The following SUPV3L1 variants were observed in gnomAD, a reference collection of about 807,000 sequenced individuals.
SUPV3L1 encodes the protein ATP-dependent RNA helicase SUPV3L1, mitochondrial.
A neutral mutation model predicts 70.0 loss-of-function variants in SUPV3L1; 35 were observed. The ratio of observed to expected loss-of-function variants is 0.50; its 90% CI spans 0.38 to 0.66. The LOEUF is 0.66. Ranked by LOEUF, SUPV3L1 falls within the 30% of genes least tolerant of loss-of-function variation. SUPV3L1 has a pLI of 0.00. For synonymous variants in SUPV3L1, 364 were observed against 341.9 expected (o/e 1.06, Z -0.71); for missense variants, 777 against 961.5 (o/e 0.81, Z 2.54).
intron 13 of SUPV3L1, among the ~76,000 whole-genome samples, chr10:69,203,882 T>C (rs1274814001): frequency 6.6e-6 from 1 of 151,392 alleles, no homozygotes; most frequent in Non-Finnish European, 1.5e-5. Context: ...TGTGCCACCA[T>C]GCCCAGCTAA....
intron 1 of SUPV3L1, among the ~76,000 whole-genome samples, chr10:69,184,487 A>C (rs777902821): frequency 5.3e-5 from 8 of 152,198 alleles, no homozygotes; most frequent in African/African-American, 1.9e-4. Context: ...GTGAGCTGAG[A>C]TCGCGCCATT....
In SUPV3L1 at chr10:69,195,213, T is replaced by C; in HGVS notation, c.879T>C (p.Ile293=). The change falls in exon 7 of 15, where the codon ATT becomes ATC. Residue 293 remains isoleucine, a synonymous_variant. Transcript: ENST00000359655. The stretch of plus-strand genomic sequence containing the variant: ...ATGAAGTGGCTGTAATTGATGAAAT[T>C]CAAATGATTAGAGATCCAGCCAGAG... ...TPYEVAVIDE[I]QMIRDPARGW... 6.2e-7 allele frequency: 1 copy of C among 1,612,706 alleles called. No individual in the cohort carries two copies. The highest frequency in any genetic ancestry group is 8.5e-7 in the Non-Finnish European group (1 of 1,179,496).
Position 69,200,481 on chromosome 10 carries a change from G to T in SUPV3L1, c.1500G>T (p.Arg500Ser). 6.2e-7 allele frequency: 1 copy of T among 1,613,810 alleles called. No individual in the cohort carries two copies. The highest frequency in any genetic ancestry group is 8.5e-7 in the Non-Finnish European group (1 of 1,179,840). The change falls in exon 11 of 15, where the codon AGG (arginine) becomes AGT (serine). Residue 500 changes from arginine (R) to serine (S), a missense_variant. Physicochemically the swap from Arg to Ser is moderately radical, Grantham distance 110. Around this residue, in one of 2 missense-constraint regions of SUPV3L1, gnomAD observed 619 missense variants for 823.3 expected, o/e 0.75. Transcript: ENST00000359655. ...GTTTATTAAAGGAAATTTTGAAGAG[G>T]CCTGTGGATCCTATAAGGGTAAGAG... ...DLSLLKEILK[R>S]PVDPIRAAGL...
chr10:69,203,029 T>G lies in SUPV3L1; in HGVS notation c.1762T>G (p.Ser588Ala), dbSNP rs761588687. 2 of 1,612,856 alleles carry G rather than the reference T, an allele frequency of 1.2e-6. No individual in the cohort carries two copies. The highest frequency in any genetic ancestry group is 1.1e-5 in the South Asian group (1 of 90,658). Residue 588 changes from serine (S) to alanine (A), a missense_variant, in exon 13 of 15, where the codon TCT (serine) becomes GCT (alanine). Physicochemically the swap from Ser to Ala is moderately conservative, Grantham distance 99 (BLOSUM62 1). Around this residue, in one of 2 missense-constraint regions of SUPV3L1, gnomAD observed 619 missense variants for 823.3 expected, o/e 0.75. Transcript: ENST00000359655. ...CAACAAGAAGCAGCCTTTTGTGTGTTCTTCACTGTTACAGGTAAGCCTTTA... is the reference window on the plus strand; with the variant it reads ...CAACAAGAAGCAGCCTTTTGTGTGTGCTTCACTGTTACAGGTAAGCCTTTA... ...PINKKQPFVCSSLLQFARQYS... is the reference protein window; with the variant it reads ...PINKKQPFVCASLLQFARQYS...
intron 6 of SUPV3L1, among the ~76,000 whole-genome samples, chr10:69,193,653 G>A (rs529270896): frequency 7.2e-5 from 11 of 151,952 alleles, no homozygotes; most frequent in South Asian, 2.1e-4. Flanking sequence ...CAAGCAGTCC[G>A]CCTCGCCTCG....
Position 69,198,376 on chromosome 10 carries a change from G to A in SUPV3L1, c.1028G>A (p.Arg343Gln), listed in dbSNP as rs1171333722. The A allele has an allele frequency of 3.8e-6, 6 of 1,594,198 alleles. No individual in the cohort carries two copies. Among genetic ancestry groups the A allele is most frequent in the South Asian group, 2.3e-5 (2 of 86,870 alleles). Reference sequence around the variant, plus strand: ...CATTTCATGTCTTTATTGTAGGTTCGAGACTATAAGAGGCTTACCCCCATT... The same window carrying A: ...CATTTCATGTCTTTATTGTAGGTTCAAGACTATAAGAGGCTTACCCCCATT... Reference protein sequence around the residue: ...MYTTGEEVEVRDYKRLTPISV... With the variant: ...MYTTGEEVEVQDYKRLTPISV... Residue 343 changes from arginine (R) to glutamine (Q), a missense_variant, in exon 9 of 15, where the codon CGA becomes CAA. Around this residue, in one of 2 missense-constraint regions of SUPV3L1, gnomAD observed 619 missense variants for 823.3 expected, o/e 0.75. Coordinates refer to ENST00000359655, the MANE Select transcript of SUPV3L1 (RefSeq NM_003171.5).
intron 10 of SUPV3L1, among the ~76,000 whole-genome samples, chr10:69,199,421 A>G (rs1027581409): frequency 1.3e-5 from 2 of 152,158 alleles, no homozygotes; most frequent in African/African-American, 4.8e-5. Flanking sequence ...TTGCTCTTTT[A>G]CCCACGCTGG....
intron 4 of SUPV3L1, 24 bp downstream of exon 4, chr10:69,187,780 T>C (rs113743986): frequency 2.8e-5 from 41 of 1,477,276 alleles, no homozygotes; most frequent in African/African-American, 2.5e-4. Context: ...TTTGTGGATT[T>C]GAAATTTTCA....
rs1407200883 is a variant in SUPV3L1, at chr10:69,186,459, A to G, written c.366A>G (p.Gln122=). ...TTTCTACAGCTCGTCTCTTCCACCA[A>G]GCTTTCATAAGCTTTAGAAATTATA... ...DYGLDARLFH[Q]AFISFRNYIM... is the part of the protein sequence containing the mutation. The change falls in exon 3 of 15, where the codon CAA becomes CAG. Residue 122 remains glutamine, a synonymous_variant. Transcript: ENST00000359655. 10 of 1,613,652 alleles carry G rather than the reference A, an allele frequency of 6.2e-6. No homozygotes were observed. The highest frequency in any genetic ancestry group is 1.1e-5 in the South Asian group (1 of 91,002).
At chr10:69,208,513 A>C in intron 14 of SUPV3L1, 87 bp from the exon 15 acceptor site, 1 of 1,345,626 alleles carries the variant, frequency 7.4e-7, no homozygotes. Flanking sequence ...AGAATTTATC[A>C]ATGTCATGAT....
In SUPV3L1 at chr10:69,208,649, C is replaced by T; in HGVS notation, c.1975C>T (p.Gln659Ter). Residue 659 changes from glutamine to a stop codon, truncating the protein, a stop_gained, in exon 15 of 15, where the codon CAG becomes TAG. Coordinates refer to ENST00000359655, the MANE Select transcript of SUPV3L1 (RefSeq NM_003171.5). LOFTEE classifies it low-confidence loss of function (END_TRUNC). ...FPDASLIRDL[Q>*]KELDGIIQDG... ...AGATGCCAGCCTTATTCGAGATCTC[C>T]AGAAAGAACTAGATGGTATTATCCA... 6.2e-7 allele frequency: 1 copy of T among 1,613,780 alleles called. No individual in the cohort carries two copies. Among genetic ancestry groups the T allele is most frequent in the Non-Finnish European group, 8.5e-7 (1 of 1,179,724 alleles).
Position 69,186,431 on chromosome 10 carries a change from G to A in SUPV3L1, c.350-12G>A, listed in dbSNP as rs908652851. 7 of 1,590,874 alleles carry A rather than the reference G, an allele frequency of 4.4e-6. No homozygotes were observed. The highest frequency in any genetic ancestry group is 8.6e-7 in the Non-Finnish European group (1 of 1,161,966). ...ACTACACCTTACATCTTTTCATTTT[G>A]TGTTTCTACAGCTCGTCTCTTCCAC... On this transcript the variant is annotated splice_polypyrimidine_tract_variant and intron_variant, in intron 2 of 14. Transcript: ENST00000359655.
chr10:69,208,142 T>A (rs1842883494), intron 14 of SUPV3L1, among the ~76,000 whole-genome samples: 1 of 152,262 alleles, frequency 6.6e-6, no homozygotes, highest in South Asian at 2.1e-4. Context: ...CTAGTTAAGA[T>A]GGCTAGGTGA....
At chr10:69,201,814 C>T (rs1312307910) in intron 11 of SUPV3L1, among the ~76,000 whole-genome samples, 1 of 151,080 alleles carries the variant, frequency 6.6e-6, no homozygotes, top group Non-Finnish European at 1.5e-5. Flanking sequence ...GTTGGGATTA[C>T]AGGCATGAGC....
In SUPV3L1 at chr10:69,187,743, A is replaced by T. The variant is rs778460036; in HGVS notation, c.559A>T (p.Ile187Leu). ...DDLRKISDLR[I>L]PPNWYPDARA... ...TCTACGTAAAATCAGTGACTTAAGA[A>T]TACCACCTAACTGGTTAGTTTCTCC... The change falls in exon 4 of 15, where the codon ATA becomes TTA. Residue 187 changes from isoleucine (I) to leucine (L), a missense_variant. Physicochemically the swap from Ile to Leu is conservative, Grantham distance 5. Coordinates refer to ENST00000359655, the MANE Select transcript of SUPV3L1 (RefSeq NM_003171.5). 9 of 1,605,820 alleles carry T rather than the reference A, an allele frequency of 5.6e-6. No homozygotes were observed. The highest frequency in any genetic ancestry group is 7.7e-6 in the Non-Finnish European group (9 of 1,175,008).
intron 10 of SUPV3L1, among the ~76,000 whole-genome samples, chr10:69,199,749 C>T (rs1284533613): frequency 6.6e-6 from 1 of 152,160 alleles, no homozygotes; most frequent in African/African-American, 2.4e-5. Context: ...ACTTTACTTT[C>T]AGTTTCTCAG....
chr10:69,202,862 C>T lies in SUPV3L1; in HGVS notation c.1600-5C>T, dbSNP rs1300962732. ...TCCAGTAATTTCTGTCTTTTTTTCC[C>T]CAAGGATATTTTTGTAGACTTTTCA... On this transcript the variant is annotated splice_region_variant and splice_polypyrimidine_tract_variant and intron_variant, in intron 12 of 14. Coordinates refer to ENST00000359655, the MANE Select transcript of SUPV3L1 (RefSeq NM_003171.5). 6.9e-6 allele frequency: 11 copies of T among 1,602,850 alleles called. No homozygotes were observed. Among genetic ancestry groups the T allele is most frequent in the Non-Finnish European group, 9.4e-6 (11 of 1,175,258 alleles).
chr10:69,201,923 C>T (rs1842693027), intron 11 of SUPV3L1, among the ~76,000 whole-genome samples: 1 of 149,692 alleles, frequency 6.7e-6, no homozygotes, highest in Admixed American at 6.8e-5. Flanking sequence ...TCACTGCAAG[C>T]TCTGCCTGCT....
chr10:69,202,616 G>T, intron 12 of SUPV3L1, 97 bp downstream of exon 12: 2 of 1,273,220 alleles, frequency 1.6e-6, no homozygotes, highest in South Asian at 2.8e-5. Flanking sequence ...GTCTGCCTTT[G>T]AGAAGTTGCT....
Sources: allele counts gnomAD v4.1 joint callset (sites outside exome capture counted in the v4.1 genomes callset), GRCh38; gene constraint gnomAD v4.1.1; regional missense constraint gnomAD v4.1.1; transcripts MANE v1.5; gene names NCBI Gene and HGNC (gene_info 2026-07-23, HGNC 2026-07-21).